GRK5: variants seen among roughly 807,000 people sequenced by gnomAD.
The protein encoded by GRK5 is g protein-coupled receptor kinase GRK5.
In GRK5, 40 loss-of-function variants were observed where a neutral mutation model predicts 78.4. The observed-to-expected ratio is 0.51, with a 90% CI of 0.40 to 0.66. The LOEUF is 0.66. GRK5 is among the 30% of genes least tolerant of loss of function. The probability of loss-of-function intolerance (pLI) is 0.00; values close to 1 mark genes in which losing one functional copy is unlikely to be tolerated. For synonymous variants in GRK5, 289 were observed against 296.8 expected, an observed-to-expected ratio of 0.97 and a Z score of 0.27; for missense variants, 598 against 759.9, an observed-to-expected ratio of 0.79 and a Z score of 2.50.
At chr10:119,394,321 T>C (rs1313916908) in intron 3 of GRK5, among the ~76,000 whole-genome samples, 9 of 63,094 alleles carry the variant, frequency 1.4e-4, no homozygotes, top group Non-Finnish European at 2.9e-4. Flanking sequence ...CACGTGGGTG[T>C]GTGTATCTGT....
chr10:119,390,845 A>G (rs1001412182), intron 3 of GRK5, among the ~76,000 whole-genome samples: 1 of 152,222 alleles, frequency 6.6e-6, no homozygotes, highest in Non-Finnish European at 1.5e-5. Flanking sequence ...GATACAATTC[A>G]TGATGAGATT....
intron 3 of GRK5, among the ~76,000 whole-genome samples, chr10:119,394,154 CTGTG>C (rs759052866): frequency 1.4e-4 from 3 of 21,996 alleles, no homozygotes; most frequent in African/African-American, 3.4e-4. Context: ...GTATGTGTGT[CTGTG>C]TGTGGGTTTG....
rs747919497 is a variant in GRK5 at position 119,238,615 on chromosome 10, C to T, written c.52+30646C>T. ...CGCCTTCTCTTAGACATGTAGGGTTCGCGCCGTTGACCTGAGCTTCAGTGC... is the reference window on the plus strand; with the variant it reads ...CGCCTTCTCTTAGACATGTAGGGTTTGCGCCGTTGACCTGAGCTTCAGTGC... On this transcript the variant is annotated intron_variant, in intron 1 of 15. Transcript: ENST00000392870. The surrounding 1 kb of genome is among the most constrained non-coding windows in gnomAD (Gnocchi z 4.7). Among the ~76,000 whole-genome samples, 2 of 152,110 alleles carry T rather than the reference C, an allele frequency of 1.3e-5. No homozygotes were observed. Among genetic ancestry groups the T allele is most frequent in the East Asian group, 1.9e-4 (1 of 5,200 alleles).
chr10:119,259,824 A>C (rs1849343571), intron 1 of GRK5, among the ~76,000 whole-genome samples: 1 of 152,254 alleles, frequency 6.6e-6, no homozygotes, highest in African/African-American at 2.4e-5. Context: ...ACATAGCTGC[A>C]TATGGCTAGC....
chr10:119,408,341 CAAAAAAAAAAAA>C, intron 4 of GRK5, among the ~76,000 whole-genome samples: 1 of 48,704 alleles, frequency 2.1e-5, no homozygotes, highest in South Asian at 1.0e-3. Flanking sequence ...AACCCTGTCT[CAAAAAAAAAAAA>C]AAAAAAAAAA....
intron 12 of GRK5, among the ~76,000 whole-genome samples, chr10:119,446,457 GC>G (rs1222468667): frequency 6.8e-6 from 1 of 147,332 alleles, no homozygotes; most frequent in Non-Finnish European, 1.5e-5. Flanking sequence ...GCCCGGCCCG[GC>G]CCACCCAGCC....
chr10:119,285,962 A>G (rs1382779176), intron 1 of GRK5, among the ~76,000 whole-genome samples: 1 of 152,026 alleles, frequency 6.6e-6, no homozygotes, highest in Non-Finnish European at 1.5e-5. Context: ...TTGCAAGCTC[A>G]TATTAGATGC....
At chr10:119,266,773 G>GTTT (rs1254703830) in intron 1 of GRK5, among the ~76,000 whole-genome samples, 3 of 134,718 alleles carry the variant, frequency 2.2e-5, no homozygotes, top group Non-Finnish European at 1.6e-5. Flanking sequence ...GGGGGGAAGA[G>GTTT]TTTTTTTTTT....
At position 119,448,309 on chromosome 10, in the gene GRK5, G is replaced by C. The variant is rs764458454; in HGVS notation, c.1404+49G>C. Reference sequence around the variant, plus strand: ...AGCAGCTCCCTTCACAGGGTACCCAGGGCTGCCCCCGAGTGCTGCCTCACA... The same window carrying C: ...AGCAGCTCCCTTCACAGGGTACCCACGGCTGCCCCCGAGTGCTGCCTCACA... On this transcript the variant is annotated intron_variant, in intron 13 of 15. Transcript: ENST00000392870. The C allele has an allele frequency of 1.9e-6, 3 of 1,554,664 alleles. No individual in the cohort carries two copies. The East Asian group carries it at 7.3e-5, about 38-fold the overall frequency.
At chr10:119,349,324 G>A (rs866620421) in intron 2 of GRK5, among the ~76,000 whole-genome samples, 45 of 152,220 alleles carry the variant, frequency 3.0e-4, no homozygotes, top group African/African-American at 1.1e-3. Flanking sequence ...GCTTTGAGAG[G>A]TGGCCGTAGT....
intron 2 of GRK5, among the ~76,000 whole-genome samples, chr10:119,328,238 C>T (rs1014351388): frequency 4.6e-5 from 7 of 152,180 alleles, no homozygotes; most frequent in East Asian, 1.9e-4. Context: ...CAGTCGAGGT[C>T]GGGTGGAAGA....
intron 13 of GRK5, among the ~76,000 whole-genome samples, chr10:119,449,550 C>T (rs934475537): frequency 3.3e-5 from 5 of 152,102 alleles, no homozygotes; most frequent in African/African-American, 4.8e-5. Context: ...CCTATAATCC[C>T]AGCACTTGGG....
At chr10:119,226,709 T>C (rs1010433065) in intron 1 of GRK5, among the ~76,000 whole-genome samples, 2 of 148,526 alleles carry the variant, frequency 1.3e-5, no homozygotes, top group Non-Finnish European at 1.5e-5. Flanking sequence ...CATGCCCGGC[T>C]TTTTTTTTTC....
intron 4 of GRK5, among the ~76,000 whole-genome samples, chr10:119,421,271 T>C (rs1852565003): frequency 6.6e-6 from 1 of 152,252 alleles, no homozygotes; most frequent in African/African-American, 2.4e-5. Flanking sequence ...TCAGTTGCTC[T>C]GAAGTAGCCT....
At chr10:119,269,690 G>A (rs928324126) in intron 1 of GRK5, among the ~76,000 whole-genome samples, 66 of 151,900 alleles carry the variant, frequency 4.3e-4, no homozygotes, top group Admixed American at 3.7e-3. Context: ...AAAATTAGCC[G>A]GGCATGGTGG....
chr10:119,316,598 C>T (rs1004412265), intron 1 of GRK5, among the ~76,000 whole-genome samples: 24 of 152,162 alleles, frequency 1.6e-4, no homozygotes, highest in African/African-American at 5.8e-4. Context: ...CTCGCAGAAC[C>T]CAGTGCAGCG....
intron 1 of GRK5, among the ~76,000 whole-genome samples, chr10:119,235,604 C>G (rs1264838185): frequency 6.6e-6 from 1 of 151,912 alleles, no homozygotes; most frequent in Non-Finnish European, 1.5e-5. Context: ...TGAATTGGCT[C>G]AATAACAAAA....
At chr10:119,416,359 C>G (rs1468272639) in intron 4 of GRK5, among the ~76,000 whole-genome samples, 1 of 152,236 alleles carries the variant, frequency 6.6e-6, no homozygotes, top group Non-Finnish European at 1.5e-5. Context: ...CTGATAGCTG[C>G]CCCAGGAGGG....
intron 1 of GRK5, among the ~76,000 whole-genome samples, chr10:119,260,798 TCTA>T (rs1849370145): frequency 6.6e-6 from 1 of 151,166 alleles, no homozygotes. Flanking sequence ...GTCTCCCATG[TCTA>T]CTTCTTTCTA....
Sources: allele counts gnomAD v4.1 joint callset (sites outside exome capture counted in the v4.1 genomes callset), GRCh38; gene constraint gnomAD v4.1.1; non-coding constraint Gnocchi (gnomAD v3.1); transcripts MANE v1.5; gene names NCBI Gene and HGNC (gene_info 2026-07-23, HGNC 2026-07-21).